Variants in FERMT2 observed in about 807,000 individuals in gnomAD.
FERMT2 encodes fermitin family homolog 2.
FERMT2 carries 15 observed loss-of-function variants against 82.7 expected under a neutral mutation model. The observed-to-expected ratio is 0.18, with a 90% CI of 0.12 to 0.28. FERMT2 has a LOEUF of 0.28. Among genes scored for constraint, FERMT2 ranks in the 10% least tolerant of loss-of-function variants. The pLI is 1.00. For synonymous variants in FERMT2, 274 were observed against 271.5 expected (o/e 1.01, Z -0.09); for missense variants, 645 against 809.4 (o/e 0.80, Z 2.46).
Position 52,881,451 on chromosome 14 carries a change from G to T in FERMT2, c.545C>A (p.Pro182Gln). Residue 182 changes from proline (P) to glutamine (Q), a missense_variant, in exon 5 of 15, where the codon CCA becomes CAA. Coordinates refer to ENST00000341590, the MANE Select transcript of FERMT2 (RefSeq NM_006832.3). ...TPGSGSIYSS[P>Q]GLYSKTMTPT... ...GGTCATTGTTTTACTATACAGTCCT[G>T]GGCTTGAATATATACTTCCTAATAA... is the stretch of plus-strand genomic sequence containing the variant. The T allele has an allele frequency of 6.2e-7, 1 of 1,611,430 alleles. No homozygotes were observed. The highest frequency in any genetic ancestry group is 8.5e-7 in the Non-Finnish European group (1 of 1,177,786).
chr14:52,902,114 CG>C (rs1352942702), intron 3 of FERMT2, among the ~76,000 whole-genome samples: 2 of 152,144 alleles, frequency 1.3e-5, no homozygotes, highest in Non-Finnish European at 2.9e-5. Context: ...AATGAGAGGC[CG>C]GGCACGGTGG....
intron 3 of FERMT2, among the ~76,000 whole-genome samples, chr14:52,897,843 G>A (rs910079714): frequency 2.0e-5 from 3 of 152,044 alleles, no homozygotes; most frequent in African/African-American, 7.2e-5. Context: ...GGGCATGGTG[G>A]CGCATGCCTG....
At chr14:52,899,375 T>C (rs1887486204) in intron 3 of FERMT2, among the ~76,000 whole-genome samples, 2 of 152,182 alleles carry the variant, frequency 1.3e-5, no homozygotes, top group Admixed American at 6.5e-5. Context: ...CTCTGCCTCC[T>C]GGGCTCAAGC....
intron 4 of FERMT2, among the ~76,000 whole-genome samples, chr14:52,892,449 G>T (rs1886994256): frequency 4.4e-5 from 2 of 45,818 alleles, no homozygotes; most frequent in South Asian, 1.8e-3. Flanking sequence ...GCCTGGTGCT[G>T]TTTTTTGTTT....
chr14:52,874,799 C>T (rs905168872), intron 8 of FERMT2, among the ~76,000 whole-genome samples: 5 of 152,150 alleles, frequency 3.3e-5, no homozygotes, highest in African/African-American at 1.2e-4. Context: ...TACATTATTA[C>T]TTTAAAAACA....
At position 52,860,430 on chromosome 14, in the gene FERMT2, T is replaced by C. The variant is rs1404017495; in HGVS notation, c.1638A>G (p.Val546=). The C allele has an allele frequency of 3.1e-6, 5 of 1,612,556 alleles. No homozygotes were observed. The South Asian group carries it at 5.5e-5, about 18-fold the overall frequency. ...TARILEAHQN[V]AQMSLIEAKM... ...TGGCTTCAATTAGACTCATCTGAGC[T>C]ACATTCTGATGGGCCTCCAAGATTC... Residue 546 remains valine, a synonymous_variant, in exon 13 of 15, where the codon GTA becomes GTG. Coordinates refer to ENST00000341590, the MANE Select transcript of FERMT2 (RefSeq NM_006832.3).
Position 52,858,216 on chromosome 14 carries a change from C to A in FERMT2, c.*161G>T. 1 of 597,088 alleles carries A rather than the reference C, an allele frequency of 1.7e-6. No individual in the cohort carries two copies. The highest frequency in any genetic ancestry group is 3.0e-6 in the Non-Finnish European group (1 of 337,056). 37.0% of individuals were successfully genotyped at this position (597,088 alleles called of 1,614,324 possible). ...TATCATAACATGATAGATTAATAGT[C>A]GTGCTTGTTTAGTGCACATATTAAC... On this transcript the variant is annotated 3_prime_UTR_variant, in exon 15 of 15. Transcript: ENST00000341590.
intron 2 of FERMT2, chr14:52,927,996 AAG>A: frequency 2.6e-6 from 1 of 382,530 alleles, no homozygotes; most frequent in Admixed American, 3.2e-5. Flanking sequence ...TTTTTAAAAA[AAG>A]AAAGTTGATC....
intron 7 of FERMT2, 135 bp from the exon 8 acceptor site, chr14:52,875,492 T>C (rs1885897130): frequency 3.3e-6 from 2 of 601,554 alleles, no homozygotes; most frequent in Non-Finnish European, 2.8e-6. Context: ...ACTAGAACGA[T>C]AGGAAATAAA....
chr14:52,896,999 A>AACACACACACACACACACACACAC (rs57945447), intron 3 of FERMT2, among the ~76,000 whole-genome samples: 2 of 137,088 alleles, frequency 1.5e-5, no homozygotes, highest in African/African-American at 5.7e-5. Flanking sequence ...AAACAAATAA[A>AACACACACACACACACACACACAC]ACACACACAC....
At position 52,916,185 on chromosome 14, in the gene FERMT2, A is replaced by G. The variant is rs1888602132; in HGVS notation, c.391+2938T>C. ...ATGATGAAACCCCATCTATACTAAAAATACAAAAATTAGCCCGGTTTGGTG... is the reference window on the plus strand; with the variant it reads ...ATGATGAAACCCCATCTATACTAAAGATACAAAAATTAGCCCGGTTTGGTG... On this transcript the variant is annotated intron_variant, in intron 3 of 14. Transcript: ENST00000341590. Among the ~76,000 whole-genome samples the G allele has an allele frequency of 2.0e-5, 3 of 151,998 alleles. No individual in the cohort carries two copies. The South Asian group carries it at 6.2e-4, about 32-fold the overall frequency.
intron 12 of FERMT2, among the ~76,000 whole-genome samples, chr14:52,862,337 T>C (rs938063481): frequency 1.8e-4 from 27 of 151,772 alleles, no homozygotes; most frequent in African/African-American, 6.5e-4. Context: ...AGTGCTGGGA[T>C]TACAGGCGTG....
chr14:52,942,366 G>C (rs952210812), intron 2 of FERMT2, among the ~76,000 whole-genome samples: 2 of 148,950 alleles, frequency 1.3e-5, no homozygotes, highest in Admixed American at 1.3e-4. Context: ...GCAGTGGCGC[G>C]ATCCCGGCTC....
intron 12 of FERMT2, chr14:52,861,282 T>C (rs1016023373): frequency 2.2e-6 from 1 of 463,650 alleles, no homozygotes; most frequent in Non-Finnish European, 3.8e-6. Flanking sequence ...TATTTTAGAA[T>C]GTTAAATGTT....
At chr14:52,904,924 C>T (rs1887909568) in intron 3 of FERMT2, among the ~76,000 whole-genome samples, 1 of 151,914 alleles carries the variant, frequency 6.6e-6, no homozygotes, top group Admixed American at 6.6e-5. Context: ...TGAGGTGGCT[C>T]ATGCCTGCAA....
chr14:52,920,587 T>C (rs1888904247), intron 2 of FERMT2, among the ~76,000 whole-genome samples: 1 of 152,044 alleles, frequency 6.6e-6, no homozygotes, highest in South Asian at 2.1e-4. Context: ...CGAGCTGTGA[T>C]GTGAAACTAC....
intron 3 of FERMT2, among the ~76,000 whole-genome samples, chr14:52,895,788 C>T (rs1017547226): frequency 1.3e-5 from 2 of 152,012 alleles, no homozygotes; most frequent in Admixed American, 6.6e-5. Flanking sequence ...ATCTATTATA[C>T]TACAATAAAG....
At chr14:52,916,431 G>C (rs4901311) in intron 3 of FERMT2, among the ~76,000 whole-genome samples, 1 of 151,602 alleles carries the variant, frequency 6.6e-6, no homozygotes, top group Non-Finnish European at 1.5e-5. Flanking sequence ...CCTATTACGA[G>C]GTGAAAGAAA....
intron 2 of FERMT2, 44 bp from the exon 3 acceptor site, chr14:52,919,400 G>C: frequency 7.0e-7 from 1 of 1,427,954 alleles, no homozygotes; most frequent in East Asian, 2.3e-5. Context: ...AAATCACCAA[G>C]GTGATTTTGA....
Sources: gnomAD v4.1 joint callset for allele counts (sites outside exome capture counted in the v4.1 genomes callset) on GRCh38, gnomAD v4.1.1 for gene constraint, MANE v1.5 for transcripts, NCBI Gene and HGNC (gene_info 2026-07-23, HGNC 2026-07-21) for gene names.